AMOT: variants seen among roughly 807,000 people sequenced by gnomAD.
The protein encoded by AMOT is angiomotin.
AMOT carries 11 observed loss-of-function variants against 67.0 expected under a neutral mutation model. The ratio of observed to expected loss-of-function variants is 0.16; its 90% CI spans 0.10 to 0.27. AMOT has a LOEUF of 0.27. Ranked by LOEUF, AMOT falls within the 10% of genes least tolerant of loss-of-function variation. AMOT has a pLI of 1.00. For synonymous variants in AMOT, 326 were observed against 321.4 expected, an observed-to-expected ratio of 1.01 and a Z score of -0.15; for missense variants, 753 against 852.0, an observed-to-expected ratio of 0.88 and a Z score of 1.45.
intron 10 of AMOT, among the ~76,000 whole-genome samples, chrX:112,788,246 A>ACG (rs2042693028): frequency 2.8e-5 from 3 of 108,183 alleles, no homozygotes; most frequent in Non-Finnish European, 5.7e-5. Flanking sequence ...CCGAGATAGC[A>ACG]CCACTGCACT....
chrX:112,837,818 A>G (rs1363913316), intron 1 of AMOT, among the ~76,000 whole-genome samples: 1 of 111,808 alleles, frequency 8.9e-6, no homozygotes, highest in Admixed American at 9.5e-5. Flanking sequence ...CACAATTCTA[A>G]ACAAATTGGT....
intron 8 of AMOT, among the ~76,000 whole-genome samples, chrX:112,804,176 A>G (rs1188842757): frequency 9.0e-6 from 1 of 111,571 alleles, no homozygotes; most frequent in Non-Finnish European, 1.9e-5. Flanking sequence ...GGGCCCTTGC[A>G]TTTGTCAAGG....
At position 112,815,822 on chromosome X, in the gene AMOT, G is replaced by A. The variant is rs1383716671; in HGVS notation, c.928C>T (p.Pro310Ser). The A allele has an allele frequency of 3.4e-6, 4 of 1,164,837 alleles. No homozygotes were observed. The highest frequency in any genetic ancestry group is 3.4e-6 in the Non-Finnish European group (3 of 872,497). Residue 310 changes from proline to serine, a missense_variant, in exon 5 of 14, where the codon CCT becomes TCT. By Grantham distance (74) the Pro-to-Ser change is moderately conservative. This residue lies in a region of AMOT where 297 missense variants were observed against 284.3 expected (regional missense o/e 1.04). Transcript: ENST00000371959. Reference protein sequence around the residue: ...LSARNSQPHSPTSSLTSGGSL... With the variant: ...LSARNSQPHSSTSSLTSGGSL... The stretch of plus-strand genomic sequence containing the variant: ...CCCCCAGAGGTCAGAGAAGAAGTAG[G>A]GCTGTGAGGCTGCGAGTTCCTGGCT...
chrX:112,805,074 T>C lies in AMOT; in HGVS notation c.1649A>G (p.Glu550Gly). Residue 550 changes from glutamate to glycine, a missense_variant, in exon 8 of 14, where the codon GAG becomes GGG. By Grantham distance (98) the Glu-to-Gly change is moderately conservative. Transcript: ENST00000371959. ...LFAKNKESQREKEKLEAELAT... is the reference protein window; with the variant it reads ...LFAKNKESQRGKEKLEAELAT... ...CAGCTCCGCTTCCAGCTTCTCCTTC[T>C]CACGCTGGCTTTCTTTATCTGTCAG... The C allele has an allele frequency of 5.0e-6, 6 of 1,211,716 alleles. No individual in the cohort carries two copies. Among genetic ancestry groups the C allele is most frequent in the Non-Finnish European group, 6.7e-6 (6 of 895,520 alleles).
chrX:112,823,273 G>A (rs1325534417), intron 3 of AMOT, 85 bp from the exon 4 acceptor site: 10 of 571,628 alleles, frequency 1.7e-5, no homozygotes, highest in Admixed American at 8.3e-5. Context: ...ATTGGAGGGT[G>A]AGGATTCGAT....
rs191614071 is a variant in AMOT, at chrX:112,802,029, C to G, written c.1776+2918G>C. Among the ~76,000 whole-genome samples, 1,024 of 112,447 alleles carry G rather than the reference C, an allele frequency of 9.1e-3. 6 individuals are homozygous for G. Among genetic ancestry groups the G allele is most frequent in the Non-Finnish European group, 0.014 (771 of 53,257 alleles). On this transcript the variant is annotated intron_variant, in intron 8 of 13. Transcript: ENST00000371959. ...TATGGGACACAGGCAGGTTATCTAA[C>G]ATATCCATGTGCCTTCAAAAACAGC...
intron 8 of AMOT, 31 bp downstream of exon 8, chrX:112,804,916 C>CCCCCCCCAA: frequency 1.7e-6 from 2 of 1,190,647 alleles, no homozygotes; most frequent in Non-Finnish European, 2.3e-6. Context: ...CTCCCACCCC[C>CCCCCCCCAA]AGGCTCATAT....
chrX:112,800,164 G>A (rs1933967173), intron 8 of AMOT, among the ~76,000 whole-genome samples: 2 of 111,216 alleles, frequency 1.8e-5, no homozygotes, highest in Admixed American at 1.9e-4. Context: ...CCGGGAGGCA[G>A]AGGTTGCAGT....
intron 10 of AMOT, among the ~76,000 whole-genome samples, chrX:112,789,840 TTTG>T (rs1400318589): frequency 4.6e-5 from 5 of 109,334 alleles, no homozygotes; most frequent in East Asian, 5.8e-4. Flanking sequence ...TAATTCAGTT[TTTG>T]TTGTTGTTTC....
chrX:112,811,396 T>A lies in AMOT; in HGVS notation c.1393-3A>T. The A allele has an allele frequency of 8.3e-7, 1 of 1,201,173 alleles. No individual in the cohort carries two copies. The highest frequency in any genetic ancestry group is 1.1e-6 in the Non-Finnish European group (1 of 889,393). On this transcript the variant is annotated splice_polypyrimidine_tract_variant and splice_region_variant and intron_variant, in intron 5 of 13. Transcript: ENST00000371959. ...ACGCGCTGGATTTCTGTCTCCACCTTAACAACAAAAAAAGACAATGGTGGT... is the reference window on the plus strand; with the variant it reads ...ACGCGCTGGATTTCTGTCTCCACCTAAACAACAAAAAAAGACAATGGTGGT...
chrX:112,818,177 T>C (rs1934618814), intron 4 of AMOT, among the ~76,000 whole-genome samples: 1 of 111,259 alleles, frequency 9.0e-6, no homozygotes, highest in Admixed American at 9.5e-5. Context: ...TATTCTCTTT[T>C]AAAGACTGAA....
At position 112,774,926 on chromosome X, in the gene AMOT, G is replaced by A. The variant is rs1360030663; in HGVS notation, c.*3641C>T. On this transcript the variant is annotated 3_prime_UTR_variant, in exon 14 of 14. Coordinates refer to ENST00000371959, the MANE Select transcript of AMOT (RefSeq NM_001113490.2). ...TTGTCAGTGAAAAGATAGGCACAAA[G>A]TGGATTTAAACCTGCTTAACTTTAT... 8.9e-6 allele frequency: 1 copy of A among 112,360 alleles called. No individual in the cohort carries two copies. Among genetic ancestry groups the A allele is most frequent in the African/African-American group, 3.2e-5 (1 of 30,928 alleles). The allele number at this position is 112,360 out of a possible 1,213,427, so 9.3% of individuals were successfully genotyped here.
chrX:112,796,438 G>A (rs996893664), intron 8 of AMOT, among the ~76,000 whole-genome samples: 3 of 112,116 alleles, frequency 2.7e-5, no homozygotes, highest in African/African-American at 9.7e-5. Flanking sequence ...CTAGAGACCA[G>A]TACCCATGAG....
At chrX:112,782,797 G>C in intron 10 of AMOT, 135 bp from the exon 11 acceptor site, 1 of 832,939 alleles carries the variant, frequency 1.2e-6, no homozygotes, top group Non-Finnish European at 1.7e-6. Context: ...ATGGTTTCTG[G>C]GGAACTAACC....
chrX:112,802,159 G>A (rs183726591), intron 8 of AMOT, among the ~76,000 whole-genome samples: 4 of 112,016 alleles, frequency 3.6e-5, no homozygotes, highest in African/African-American at 1.3e-4. Flanking sequence ...TCACAATGAA[G>A]GTTCCTTCCT....
chrX:112,816,532 G>C (rs1436110005), intron 4 of AMOT, among the ~76,000 whole-genome samples: 1 of 112,229 alleles, frequency 8.9e-6, no homozygotes, highest in Non-Finnish European at 1.9e-5. Context: ...AAAAAGACTT[G>C]AAGAGGGTTA....
intron 1 of AMOT, among the ~76,000 whole-genome samples, chrX:112,834,132 C>T (rs1935073113): frequency 8.9e-6 from 1 of 111,843 alleles, no homozygotes; most frequent in African/African-American, 3.3e-5. Flanking sequence ...TGTTAACACT[C>T]AGGCCACTAC....
In AMOT at chrX:112,815,437, A is replaced by G. The variant is rs1934512839; in HGVS notation, c.1313T>C (p.Val438Ala). 2 of 1,209,999 alleles carry G rather than the reference A, an allele frequency of 1.7e-6. No individual in the cohort carries two copies. The highest frequency in any genetic ancestry group is 2.2e-5 in the Admixed American group (1 of 45,727). ...FAIVSRAQQM[V>A]EILSDENRNL... is the part of the protein sequence containing the mutation. ...CCGGTTCTCGTCTGAGAGGATCTCA[A>G]CCATCTGCTGGGCTCTGGAAACAAT... is the stretch of plus-strand genomic sequence containing the variant. Residue 438 changes from valine to alanine, a missense_variant, in exon 5 of 14, where the codon GTT (valine) becomes GCT (alanine). Transcript: ENST00000371959.
intron 10 of AMOT, among the ~76,000 whole-genome samples, chrX:112,788,388 T>C (rs1475372066): frequency 1.8e-5 from 2 of 109,951 alleles, no homozygotes; most frequent in East Asian, 2.8e-4. Flanking sequence ...ACATTTAAGA[T>C]TGAGAGAAAG....
Sources: gnomAD v4.1 joint callset for allele counts (sites outside exome capture counted in the v4.1 genomes callset) on GRCh38, gnomAD v4.1.1 for gene constraint, gnomAD v4.1.1 regional missense constraint, MANE v1.5 for transcripts, NCBI Gene and HGNC (gene_info 2026-07-23, HGNC 2026-07-21) for gene names.